Variants in TMC1 observed in about 807,000 individuals in gnomAD.
The protein encoded by TMC1 is transmembrane channel like 1.
A neutral mutation model predicts 105.8 loss-of-function variants in TMC1; 84 were observed. The observed-to-expected ratio is 0.79, with a 90% CI of 0.67 to 0.95. The LOEUF is 0.95. Among genes scored for constraint, TMC1 ranks in the 40% least tolerant of loss-of-function variants. The probability of loss-of-function intolerance (pLI) is 0.00; values close to 1 mark genes in which losing one functional copy is unlikely to be tolerated. For synonymous variants in TMC1, 315 were observed against 311.5 expected, an observed-to-expected ratio of 1.01 and a Z score of -0.12; for missense variants, 817 against 914.1, an observed-to-expected ratio of 0.89 and a Z score of 1.37.
intron 2 of TMC1, among the ~76,000 whole-genome samples, chr9:72,586,960 C>T (rs955880186): frequency 1.3e-5 from 2 of 152,138 alleles, no homozygotes; most frequent in Non-Finnish European, 1.5e-5. Context: ...TCTATTGCCT[C>T]TCTCCCATCA....
intron 2 of TMC1, among the ~76,000 whole-genome samples, chr9:72,592,959 C>T (rs1272766720): frequency 6.6e-6 from 1 of 152,132 alleles, no homozygotes; most frequent in African/African-American, 2.4e-5. Flanking sequence ...AGTGATACAA[C>T]AACTATTATC....
intron 8 of TMC1, among the ~76,000 whole-genome samples, chr9:72,722,092 G>A (rs528538825): frequency 1.2e-3 from 178 of 152,108 alleles, no homozygotes; most frequent in African/African-American, 4.1e-3. Context: ...CCTGTGTATC[G>A]TGTCCTGTAC....
At chr9:72,558,401 A>T (rs1398200487) in intron 1 of TMC1, among the ~76,000 whole-genome samples, 1 of 152,166 alleles carries the variant, frequency 6.6e-6, no homozygotes, top group East Asian at 1.9e-4. Context: ...AATAATTTCA[A>T]TTACATTGTT....
At chr9:72,834,815 C>CT (rs1199737397) in intron 23 of TMC1, among the ~76,000 whole-genome samples, 1 of 152,190 alleles carries the variant, frequency 6.6e-6, no homozygotes, top group Non-Finnish European at 1.5e-5. Flanking sequence ...ATCTCAGACT[C>CT]TAACTGCTGC....
At chr9:72,683,290 T>G (rs1210211687) in intron 5 of TMC1, among the ~76,000 whole-genome samples, 1 of 123,032 alleles carries the variant, frequency 8.1e-6, no homozygotes, top group Non-Finnish European at 1.7e-5. Context: ...TTTGTTTGGT[T>G]TTAAGAAAGC....
At chr9:72,573,270 T>A (rs7854675) in intron 1 of TMC1, among the ~76,000 whole-genome samples, 1 of 152,168 alleles carries the variant, frequency 6.6e-6, no homozygotes, top group East Asian at 1.9e-4. Flanking sequence ...GAATTTTGAG[T>A]GTCATACCTG....
chr9:72,598,992 A>G (rs1824763901), intron 2 of TMC1, among the ~76,000 whole-genome samples: 1 of 152,170 alleles, frequency 6.6e-6, no homozygotes, highest in East Asian at 1.9e-4. Flanking sequence ...TGGCTTAACT[A>G]GGAGAGGGAA....
chr9:72,551,462 A>T (rs1823859120), intron 1 of TMC1, among the ~76,000 whole-genome samples: 1 of 152,196 alleles, frequency 6.6e-6, no homozygotes, highest in African/African-American at 2.4e-5. Flanking sequence ...ATGATTTAGC[A>T]TGTTGCTGGG....
intron 1 of TMC1, among the ~76,000 whole-genome samples, chr9:72,547,524 A>C (rs1290193895): frequency 1.3e-5 from 2 of 152,194 alleles, no homozygotes; most frequent in Non-Finnish European, 2.9e-5. Context: ...ATAGAGGTTC[A>C]TGTCCAGCAT....
At chr9:72,727,721 A>G (rs990163044) in intron 8 of TMC1, among the ~76,000 whole-genome samples, 1 of 152,038 alleles carries the variant, frequency 6.6e-6, no homozygotes, top group African/African-American at 2.4e-5. Context: ...ATTCTCCCCA[A>G]ATCTCATTTT....
intron 1 of TMC1, among the ~76,000 whole-genome samples, chr9:72,563,104 T>G (rs546055872): frequency 6.6e-6 from 1 of 152,132 alleles, no homozygotes; most frequent in South Asian, 2.1e-4. Flanking sequence ...AGCAAAGGTG[T>G]GGAGGTACAA....
chr9:72,742,524 A>T lies in TMC1; in HGVS notation c.534A>T (p.Glu178Asp), dbSNP rs886042321. 1 of 1,613,144 alleles carries T rather than the reference A, an allele frequency of 6.2e-7. No individual in the cohort carries two copies. The highest frequency in any genetic ancestry group is 1.3e-5 in the African/African-American group (1 of 74,920). Reference protein sequence around the residue: ...VPWENKIKAIESQFGSSVASY... With the variant: ...VPWENKIKAIDSQFGSSVASY... Reference sequence around the variant, plus strand: ...GGGAAAATAAAATCAAGGCTATTGAAAGTAAGTCCTTATCAGATCTCAGGT... The same window carrying T: ...GGGAAAATAAAATCAAGGCTATTGATAGTAAGTCCTTATCAGATCTCAGGT... Residue 178 changes from glutamate (E) to aspartate (D), a missense_variant and splice_region_variant, in exon 10 of 24, where the codon GAA becomes GAT. Physicochemically the swap from Glu to Asp is conservative, Grantham distance 45 (BLOSUM62 2). Coordinates refer to ENST00000297784, the MANE Select transcript of TMC1 (RefSeq NM_138691.3).
At chr9:72,718,144 C>A (rs1006554410) in intron 8 of TMC1, among the ~76,000 whole-genome samples, 4 of 151,810 alleles carry the variant, frequency 2.6e-5, no homozygotes, top group Non-Finnish European at 4.4e-5. Context: ...TGGACTTCAC[C>A]TTTTTCTGGT....
intron 2 of TMC1, among the ~76,000 whole-genome samples, chr9:72,604,140 G>A (rs929232216): frequency 7.2e-5 from 11 of 152,080 alleles, no homozygotes; most frequent in Middle Eastern, 6.8e-3. Context: ...TCATCACTTG[G>A]TGATAAAATT....
At chr9:72,670,379 A>C (rs1826110164) in intron 5 of TMC1, among the ~76,000 whole-genome samples, 1 of 152,200 alleles carries the variant, frequency 6.6e-6, no homozygotes, top group African/African-American at 2.4e-5. Context: ...ACAAAACTTA[A>C]AAAATGAGAC....
intron 2 of TMC1, among the ~76,000 whole-genome samples, chr9:72,596,539 T>TAAA (rs35140344): frequency 2.0e-4 from 20 of 102,228 alleles, no homozygotes; most frequent in East Asian, 9.8e-4. Context: ...GTTTCAATTG[T>TAAA]AAAAAAAAAA....
At chr9:72,695,816 C>A (rs1826541064) in intron 7 of TMC1, among the ~76,000 whole-genome samples, 1 of 152,124 alleles carries the variant, frequency 6.6e-6, no homozygotes, top group Non-Finnish European at 1.5e-5. Context: ...TCTTCCCCAG[C>A]TTTTCCTTTC....
At chr9:72,531,883 T>A (rs1354615855) in intron 1 of TMC1, among the ~76,000 whole-genome samples, 3 of 152,176 alleles carry the variant, frequency 2.0e-5, no homozygotes, top group Admixed American at 6.5e-5. Context: ...GGCTGGCAAT[T>A]CATTAGAATC....
chr9:72,805,898 A>C (rs1055677415), intron 18 of TMC1, among the ~76,000 whole-genome samples: 1 of 152,334 alleles, frequency 6.6e-6, no homozygotes, highest in Non-Finnish European at 1.5e-5. Context: ...CGGCAGAAGA[A>C]GTTTTCTTAG....
Sources: allele counts gnomAD v4.1 joint callset (sites outside exome capture counted in the v4.1 genomes callset), GRCh38; gene constraint gnomAD v4.1.1; transcripts MANE v1.5; gene names NCBI Gene and HGNC (gene_info 2026-07-23, HGNC 2026-07-21).